Variants in OSTN observed in about 807,000 individuals in gnomAD.
The protein encoded by OSTN is osteocrin.
In OSTN, 9 loss-of-function variants were observed where a neutral mutation model predicts 12.0. That is an observed-to-expected ratio of 0.75 (90% CI 0.45 to 1.30). The LOEUF is 1.30. Among genes scored for constraint, OSTN ranks in the 50% most tolerant of loss-of-function variants. The probability of loss-of-function intolerance (pLI) is 0.00; values close to 1 mark genes in which losing one functional copy is unlikely to be tolerated. For missense variants in OSTN, 148 were observed against 152.3 expected, an observed-to-expected ratio of 0.97 and a Z score of 0.15; for synonymous variants, 59 against 56.9, an observed-to-expected ratio of 1.04 and a Z score of -0.16.
chr3:191,210,198 G>A (rs1576922766), intron 1 of OSTN, among the ~76,000 whole-genome samples: 1 of 152,118 alleles, frequency 6.6e-6, no homozygotes, highest in African/African-American at 2.4e-5. Flanking sequence ...CAGATCTCGC[G>A]ATAACTCACT....
intron 3 of OSTN, among the ~76,000 whole-genome samples, chr3:191,233,092 A>T (rs1299499222): frequency 2.0e-5 from 3 of 152,210 alleles, no homozygotes; most frequent in African/African-American, 4.8e-5. Flanking sequence ...GAAAAGAAAA[A>T]GGAAATTAAC....
intron 2 of OSTN, among the ~76,000 whole-genome samples, chr3:191,216,307 CGCTGGGCCTGTGATGGGAGGGGCT>C (rs1186359860): frequency 6.6e-6 from 1 of 152,200 alleles, no homozygotes; most frequent in Non-Finnish European, 1.5e-5. Flanking sequence ...CCTCCTAGGC[CGCTGGGCCTGTGATGGGAGGGGCT>C]GCCATGAAGA....
At chr3:191,223,749 GA>G (rs900899451) in intron 3 of OSTN, among the ~76,000 whole-genome samples, 23 of 151,678 alleles carry the variant, frequency 1.5e-4, no homozygotes, top group Non-Finnish European at 2.9e-4. Context: ...ATTTCTCTAT[GA>G]AAAAAAGCAC....
chr3:191,242,793 T>C (rs1715350255), intron 3 of OSTN, among the ~76,000 whole-genome samples: 1 of 151,762 alleles, frequency 6.6e-6, no homozygotes, highest in Non-Finnish European at 1.5e-5. Context: ...AGGGTAGAGG[T>C]GATTTATTAC....
chr3:191,225,826 G>C (rs1714895329), intron 3 of OSTN, among the ~76,000 whole-genome samples: 1 of 152,006 alleles, frequency 6.6e-6, no homozygotes. Flanking sequence ...GGCTACAAAA[G>C]GTGGAAGGGA....
At chr3:191,230,052 T>G (rs995526535) in intron 3 of OSTN, among the ~76,000 whole-genome samples, 2 of 139,378 alleles carry the variant, frequency 1.4e-5, no homozygotes, top group African/African-American at 6.5e-5. Flanking sequence ...GGCAACAGAG[T>G]GAGGACTCAG....
At chr3:191,228,262 A>G (rs1318759206) in intron 3 of OSTN, among the ~76,000 whole-genome samples, 1 of 152,090 alleles carries the variant, frequency 6.6e-6, no homozygotes, top group Non-Finnish European at 1.5e-5. Flanking sequence ...TTCTGCCCCA[A>G]CTCTGCCTGG....
intron 4 of OSTN, 80 bp downstream of exon 4, chr3:191,250,213 C>A (rs1244156597): frequency 5.6e-6 from 6 of 1,071,964 alleles, no homozygotes; most frequent in Non-Finnish European, 8.5e-6. Context: ...TCCATTCTTG[C>A]TTATAAATCC....
intron 3 of OSTN, among the ~76,000 whole-genome samples, chr3:191,226,782 A>G (rs2108538387): frequency 6.6e-6 from 1 of 152,328 alleles, no homozygotes; most frequent in African/African-American, 2.4e-5. Flanking sequence ...AAGTAAAAGA[A>G]TATAGTTTGA....
chr3:191,221,667 A>G (rs1714767297), intron 3 of OSTN, among the ~76,000 whole-genome samples: 1 of 151,588 alleles, frequency 6.6e-6, no homozygotes, highest in Admixed American at 6.6e-5. Flanking sequence ...GTTCAAGAGG[A>G]AGCAGGGCAT....
At chr3:191,236,698 T>A (rs1175153145) in intron 3 of OSTN, among the ~76,000 whole-genome samples, 5 of 152,196 alleles carry the variant, frequency 3.3e-5, no homozygotes, top group Non-Finnish European at 5.9e-5. Flanking sequence ...ATACTTTTGT[T>A]CTTAAGATAT....
chr3:191,263,054 C>T lies in OSTN; in HGVS notation c.*201C>T, dbSNP rs146259781. ...AAATTGTGTAAATCATTTTGATGCA[C>T]GTACATTTTAAAATTATATATTTTA... On this transcript the variant is annotated 3_prime_UTR_variant, in exon 5 of 5. Transcript: ENST00000682035. 4.7e-5 allele frequency: 24 copies of T among 507,086 alleles called. No homozygotes were observed. Among genetic ancestry groups the T allele is most frequent in the Non-Finnish European group, 6.0e-5 (17 of 285,228 alleles). 31.4% of individuals were successfully genotyped at this position (507,086 alleles called of 1,614,324 possible). A position where few individuals can be genotyped will look rare whatever the true frequency, so the allele number is the denominator to read the frequency against.
At chr3:191,238,941 T>C (rs953630215) in intron 3 of OSTN, among the ~76,000 whole-genome samples, 1 of 152,200 alleles carries the variant, frequency 6.6e-6, no homozygotes, top group African/African-American at 2.4e-5. Flanking sequence ...CAAAAGAACA[T>C]TCTACAGGAT....
At position 191,263,895 on chromosome 3, in the gene OSTN, T is replaced by TA. The variant is rs1715864198; in HGVS notation, c.*1043dup. The TA allele has an allele frequency of 6.6e-6, 1 of 152,158 alleles. No individual in the cohort carries two copies. The highest frequency in any genetic ancestry group is 2.1e-4 in the South Asian group (1 of 4,832). The allele number at this position is 152,158 out of a possible 1,614,324, so 9.4% of individuals were successfully genotyped here. ...CAGTTCTCAGTAATAACTATGATGT[T>TA]ACTGTAGCTTGGACACATAGGTCCA... On this transcript the variant is annotated 3_prime_UTR_variant, in exon 5 of 5. Coordinates refer to ENST00000682035, the MANE Select transcript of OSTN (RefSeq NM_198184.2).
chr3:191,258,515 T>C (rs1283800394), intron 4 of OSTN, among the ~76,000 whole-genome samples: 1 of 135,208 alleles, frequency 7.4e-6, no homozygotes, highest in African/African-American at 3.1e-5. Context: ...AGGGGAGGGA[T>C]AGCATTAAGA....
At chr3:191,204,916 T>A (rs1236306935) in intron 1 of OSTN, among the ~76,000 whole-genome samples, 1 of 152,172 alleles carries the variant, frequency 6.6e-6, no homozygotes, top group Non-Finnish European at 1.5e-5. Context: ...TTCATAACAA[T>A]CACTTCAAAA....
intron 3 of OSTN, among the ~76,000 whole-genome samples, chr3:191,226,619 C>T (rs1347377419): frequency 6.6e-6 from 1 of 152,126 alleles, no homozygotes; most frequent in African/African-American, 2.4e-5. Flanking sequence ...CACAAAAACT[C>T]TGCAAAAAAG....
intron 1 of OSTN, among the ~76,000 whole-genome samples, chr3:191,205,792 C>T (rs1714259473): frequency 6.6e-6 from 1 of 152,064 alleles, no homozygotes; most frequent in Non-Finnish European, 1.5e-5. Context: ...CATTCTATGG[C>T]ATCTGGAACC....
intron 3 of OSTN, among the ~76,000 whole-genome samples, chr3:191,237,057 C>T (rs895297800): frequency 1.3e-5 from 2 of 152,040 alleles, no homozygotes; most frequent in African/African-American, 4.8e-5. Context: ...GCTGCTAGAG[C>T]AAGCAGGAGG....
Sources: allele counts gnomAD v4.1 joint callset (sites outside exome capture counted in the v4.1 genomes callset), GRCh38; gene constraint gnomAD v4.1.1; transcripts MANE v1.5; gene names NCBI Gene and HGNC (gene_info 2026-07-23, HGNC 2026-07-21).